Variants in ADK observed in about 807,000 individuals in gnomAD.
ADK encodes the protein N6,N6-dimethyladenosine kinase.
In ADK, 24 loss-of-function variants were observed where a neutral mutation model predicts 44.7. The ratio of observed to expected loss-of-function variants is 0.54; its 90% CI spans 0.39 to 0.76. The LOEUF (loss-of-function observed/expected upper bound fraction) is 0.76. Ranked by LOEUF, ADK falls within the 30% of genes least tolerant of loss-of-function variation. The pLI, the probability that ADK is intolerant of heterozygous loss-of-function variation, is 0.00. For synonymous variants in ADK, 128 were observed against 142.6 expected (o/e 0.90, Z 0.73); for missense variants, 321 against 425.1 (o/e 0.76, Z 2.15).
intron 4 of ADK, among the ~76,000 whole-genome samples, chr10:74,322,926 T>C (rs961077244): frequency 2.0e-5 from 3 of 152,190 alleles, no homozygotes; most frequent in Non-Finnish European, 4.4e-5. Context: ...ATGCTTTTAG[T>C]TCTGTCTTAG....
At chr10:74,341,559 C>T (rs1841584916) in intron 4 of ADK, among the ~76,000 whole-genome samples, 1 of 150,578 alleles carries the variant, frequency 6.6e-6, no homozygotes, top group Non-Finnish European at 1.5e-5. Flanking sequence ...TTTTTGCAAT[C>T]ATTAACTTAC....
intron 6 of ADK, among the ~76,000 whole-genome samples, chr10:74,444,136 T>C (rs1410389810): frequency 6.6e-6 from 1 of 152,138 alleles, no homozygotes; most frequent in African/African-American, 2.4e-5. Context: ...AGTCAGACCA[T>C]CCACTATGCC....
At chr10:74,205,675 CAAA>C (rs11419041) in intron 2 of ADK, among the ~76,000 whole-genome samples, 1 of 85,350 alleles carries the variant, frequency 1.2e-5, no homozygotes, top group African/African-American at 4.9e-5. Flanking sequence ...GAATCTGTCT[CAAA>C]AAAAAAAAAA....
chr10:74,410,753 C>G (rs560635277), intron 6 of ADK, among the ~76,000 whole-genome samples: 6 of 152,214 alleles, frequency 3.9e-5, no homozygotes, highest in East Asian at 1.9e-4. Context: ...ATGGAACAAG[C>G]CTTTGTAACA....
At chr10:74,342,711 G>T (rs1328423192) in intron 4 of ADK, among the ~76,000 whole-genome samples, 1 of 151,858 alleles carries the variant, frequency 6.6e-6, no homozygotes. Flanking sequence ...TTGGGCTCAA[G>T]CAATCCTCTG....
At chr10:74,505,685 G>A (rs1298033558) in intron 6 of ADK, among the ~76,000 whole-genome samples, 6 of 151,920 alleles carry the variant, frequency 3.9e-5, no homozygotes, top group South Asian at 4.2e-4. Flanking sequence ...TAACAATGGC[G>A]TTTTCCATGA....
intron 6 of ADK, among the ~76,000 whole-genome samples, chr10:74,463,426 A>C (rs1406756305): frequency 1.3e-5 from 2 of 152,212 alleles, no homozygotes; most frequent in East Asian, 3.8e-4. Context: ...GATTCTCATA[A>C]GGAGCACATA....
At chr10:74,572,100 G>A (rs1428905126) in intron 7 of ADK, among the ~76,000 whole-genome samples, 18 of 152,198 alleles carry the variant, frequency 1.2e-4, no homozygotes, top group African/African-American at 4.3e-4. Flanking sequence ...TCCTAGCCTC[G>A]ATGGTCTTTA....
chr10:74,651,947 C>T (rs1411738988), intron 9 of ADK, among the ~76,000 whole-genome samples: 1 of 151,682 alleles, frequency 6.6e-6, no homozygotes, highest in Non-Finnish European at 1.5e-5. Flanking sequence ...AGAACAGGCA[C>T]TATTAATTTA....
At chr10:74,517,215 C>T (rs1327285496) in intron 6 of ADK, among the ~76,000 whole-genome samples, 7 of 152,302 alleles carry the variant, frequency 4.6e-5, no homozygotes, top group South Asian at 2.1e-4. Flanking sequence ...ATTTCTCACA[C>T]TTTATGTTCA....
At chr10:74,225,203 A>C (rs1471238144) in intron 3 of ADK, among the ~76,000 whole-genome samples, 32 of 152,148 alleles carry the variant, frequency 2.1e-4, no homozygotes, top group Admixed American at 1.8e-3. Context: ...TTAGCCTCCC[A>C]GGTAGCTGGG....
intron 6 of ADK, among the ~76,000 whole-genome samples, chr10:74,428,447 T>A (rs1397478815): frequency 6.6e-6 from 1 of 152,164 alleles, no homozygotes; most frequent in East Asian, 1.9e-4. Flanking sequence ...ACTGGTCAAA[T>A]CTAGGGCAAT....
chr10:74,531,753 A>G (rs1469708385), intron 7 of ADK, among the ~76,000 whole-genome samples: 1 of 152,030 alleles, frequency 6.6e-6, no homozygotes, highest in African/African-American at 2.4e-5. Context: ...GCTGGTTTCA[A>G]CCTCCTGCAC....
At chr10:74,694,412 T>G (rs1334692476) in intron 10 of ADK, among the ~76,000 whole-genome samples, 1 of 151,734 alleles carries the variant, frequency 6.6e-6, no homozygotes, top group Non-Finnish European at 1.5e-5. Context: ...AAAAAGAAAC[T>G]TATTTATTTA....
At chr10:74,391,093 A>G (rs1325476180) in intron 4 of ADK, among the ~76,000 whole-genome samples, 1 of 152,198 alleles carries the variant, frequency 6.6e-6, no homozygotes. Context: ...TAACATAACC[A>G]ACAATAAACC....
chr10:74,556,436 A>G (rs903980012), intron 7 of ADK, among the ~76,000 whole-genome samples: 14 of 152,206 alleles, frequency 9.2e-5, no homozygotes, highest in African/African-American at 2.9e-4. Context: ...AATATATTTC[A>G]AGTCTCTAGC....
At chr10:74,566,467 G>T (rs1850673090) in intron 7 of ADK, among the ~76,000 whole-genome samples, 2 of 151,994 alleles carry the variant, frequency 1.3e-5, no homozygotes, top group South Asian at 2.1e-4. Context: ...CTCCCAACGT[G>T]CTGGGATTAC....
chr10:74,395,555 A>C (rs1452653360), intron 5 of ADK, among the ~76,000 whole-genome samples: 1 of 152,178 alleles, frequency 6.6e-6, no homozygotes, highest in Non-Finnish European at 1.5e-5. Context: ...ACAACTAAAA[A>C]TGTTGAAATA....
intron 9 of ADK, among the ~76,000 whole-genome samples, chr10:74,666,275 T>C (rs550855484): frequency 6.6e-6 from 1 of 152,164 alleles, no homozygotes; most frequent in African/African-American, 2.4e-5. Context: ...TGCCTAAAAT[T>C]GATTATTTTG....
Sources: gnomAD v4.1 joint callset for allele counts (sites outside exome capture counted in the v4.1 genomes callset) on GRCh38, gnomAD v4.1.1 for gene constraint, MANE v1.5 for transcripts, NCBI Gene and HGNC (gene_info 2026-07-23, HGNC 2026-07-21) for gene names.